The following KIDINS220 variants were observed in gnomAD, a reference collection of about 807,000 sequenced individuals.
KIDINS220 encodes the protein kinase D-interacting substrate of 220 kDa.
KIDINS220 carries 63 observed loss-of-function variants against 157.6 expected under a neutral mutation model. That is an observed-to-expected ratio of 0.40 (90% CI 0.33 to 0.49). The LOEUF (loss-of-function observed/expected upper bound fraction) is 0.49, where lower values mean the gene tolerates loss of function less well. KIDINS220 is among the 20% of genes least tolerant of loss of function. The pLI, the probability that KIDINS220 is intolerant of heterozygous loss-of-function variation, is 0.66. For missense variants in KIDINS220, 1,772 were observed against 2,171.2 expected (o/e 0.82, Z 3.65); for synonymous variants, 732 against 783.6 (o/e 0.93, Z 1.10).
At chr2:8,754,355 A>G (rs1442737717) in intron 22 of KIDINS220, among the ~76,000 whole-genome samples, 2 of 152,228 alleles carry the variant, frequency 1.3e-5, no homozygotes, top group Non-Finnish European at 2.9e-5. Flanking sequence ...TGTAAATGAT[A>G]ATCTTTTGGC....
chr2:8,781,153 A>ATATATATTAT (rs70946383), intron 17 of KIDINS220, among the ~76,000 whole-genome samples: 5 of 130,410 alleles, frequency 3.8e-5, no homozygotes, highest in African/African-American at 1.4e-4. Context: ...ATATATATAT[A>ATATATATTAT]ATATATATAT....
Position 8,812,550 on chromosome 2 carries a change from G to A in KIDINS220, c.406-57C>T, listed in dbSNP as rs377507290. 2,181 of 953,028 alleles carry A rather than the reference G, an allele frequency of 2.3e-3. 72 individuals carry two copies. In the South Asian group the frequency reaches 0.042, roughly 19 times the overall value. The allele number at this position is 953,028 out of a possible 1,614,324, so 59.0% of individuals were successfully genotyped here. ...GATAAGTAGGAAGGAAGGAAAGAAA[G>A]AAAGGAAGGAGGGAGGGAGGGAAGG... On this transcript the variant is annotated intron_variant, in intron 5 of 29. Coordinates refer to ENST00000256707, the MANE Select transcript of KIDINS220 (RefSeq NM_020738.4).
intron 3 of KIDINS220, among the ~76,000 whole-genome samples, chr2:8,817,973 C>T (rs561909657): frequency 7.9e-5 from 12 of 152,084 alleles, no homozygotes; most frequent in Non-Finnish European, 1.2e-4. Context: ...TCATATACTG[C>T]GCTTTTTAAA....
Position 8,826,989 on chromosome 2 carries a change from A to T in KIDINS220, c.105T>A (p.Asn35Lys), listed in dbSNP as rs1211528290. The change falls in exon 2 of 30, where the codon AAT becomes AAA. Residue 35 changes from asparagine to lysine, a missense_variant. Physicochemically the swap from Asn to Lys is moderately conservative, Grantham distance 94. This residue lies in a region of KIDINS220 where 254 missense variants were observed against 268.6 expected (regional missense o/e 0.95). Coordinates refer to ENST00000256707, the MANE Select transcript of KIDINS220 (RefSeq NM_020738.4). ...AATTTTGCAAACTTGGTCTTACCTC[A>T]TTTCTCTCATCTACATCTTTGCATT... ...LEKCKDVDERNECGQTPLMIA... is the reference protein window; with the variant it reads ...LEKCKDVDERKECGQTPLMIA... 1 of 1,576,648 alleles carries T rather than the reference A, an allele frequency of 6.3e-7. No individual in the cohort carries two copies. The highest frequency in any genetic ancestry group is 1.7e-5 in the Admixed American group (1 of 57,660).
downstream of KIDINS220, among the ~76,000 whole-genome samples, chr2:8,727,715 TTGGC>T (rs1192864059): frequency 1.3e-5 from 2 of 152,264 alleles, no homozygotes; most frequent in Non-Finnish European, 2.9e-5. Context: ...TTAAAATTAC[TTGGC>T]TAGGCAATCA....
At chr2:8,761,183 T>C (rs867665786) in intron 22 of KIDINS220, among the ~76,000 whole-genome samples, 8 of 152,186 alleles carry the variant, frequency 5.3e-5, no homozygotes, top group Non-Finnish European at 2.9e-5. Context: ...GTCCATGCAA[T>C]TGTCGTCTTT....
At chr2:8,823,433 TAAA>T (rs35736601) in intron 2 of KIDINS220, among the ~76,000 whole-genome samples, 1 of 127,214 alleles carries the variant, frequency 7.9e-6, no homozygotes. Flanking sequence ...AGCAAAATGC[TAAA>T]AAAAAAAAAA....
chr2:8,790,510 A>T (rs1673039991), intron 13 of KIDINS220, among the ~76,000 whole-genome samples: 1 of 152,192 alleles, frequency 6.6e-6, no homozygotes, highest in East Asian at 1.9e-4. Flanking sequence ...CACATTTGAG[A>T]ATACTGTTCT....
intron 1 of KIDINS220, among the ~76,000 whole-genome samples, chr2:8,831,985 T>C (rs1474513837): frequency 2.0e-5 from 3 of 152,260 alleles, no homozygotes; most frequent in Non-Finnish European, 2.9e-5. Flanking sequence ...TGCTTCTTTA[T>C]CAATTACAGC....
At chr2:8,771,614 T>A (rs545689148) in intron 21 of KIDINS220, among the ~76,000 whole-genome samples, 1 of 152,248 alleles carries the variant, frequency 6.6e-6, no homozygotes, top group Non-Finnish European at 1.5e-5. Context: ...TTTGTTTGTA[T>A]GTAGACTAAG....
At chr2:8,811,044 T>C (rs1417011373) in intron 6 of KIDINS220, among the ~76,000 whole-genome samples, 1 of 152,206 alleles carries the variant, frequency 6.6e-6, no homozygotes, top group Non-Finnish European at 1.5e-5. Context: ...TTTACATATG[T>C]ATACACTGGC....
chr2:8,836,025 G>A (rs1680335854), intron 1 of KIDINS220, among the ~76,000 whole-genome samples: 1 of 152,156 alleles, frequency 6.6e-6, no homozygotes, highest in Non-Finnish European at 1.5e-5. Flanking sequence ...GAGAAGAAAT[G>A]AGGGATATTA....
intron 22 of KIDINS220, among the ~76,000 whole-genome samples, chr2:8,755,037 C>T (rs897540132): frequency 2.6e-5 from 4 of 152,214 alleles, no homozygotes; most frequent in African/African-American, 4.8e-5. Flanking sequence ...GAACAGAACA[C>T]TTTGGAGATT....
At chr2:8,749,311 C>A in intron 24 of KIDINS220, 1 of 423,872 alleles carries the variant, frequency 2.4e-6, no homozygotes, top group Non-Finnish European at 4.7e-6. Context: ...TAACTAGGTC[C>A]TATGTTTTCT....
intron 21 of KIDINS220, among the ~76,000 whole-genome samples, chr2:8,773,609 A>T (rs1048142775): frequency 1.3e-5 from 2 of 151,748 alleles, no homozygotes; most frequent in Non-Finnish European, 1.5e-5. Flanking sequence ...AGTAGCTGGG[A>T]TTACAGGTGT....
At chr2:8,751,396 C>G in intron 23 of KIDINS220, 70 bp downstream of exon 23, 1 of 1,339,078 alleles carries the variant, frequency 7.5e-7, no homozygotes, top group South Asian at 1.3e-5. Flanking sequence ...GAAATGTACA[C>G]AAATAAGTTA....
intron 1 of KIDINS220, among the ~76,000 whole-genome samples, chr2:8,828,137 C>G (rs1212274521): frequency 1.3e-5 from 2 of 152,208 alleles, no homozygotes; most frequent in Admixed American, 1.3e-4. Context: ...TGTGTGACAC[C>G]TGTGACTGTA....
chr2:8,791,494 T>C (rs1467197391), intron 12 of KIDINS220, among the ~76,000 whole-genome samples: 1 of 152,324 alleles, frequency 6.6e-6, no homozygotes, highest in East Asian at 1.9e-4. Flanking sequence ...TTGATACTTA[T>C]TAATTATATG....
chr2:8,788,552 A>T, intron 15 of KIDINS220, 95 bp downstream of exon 15: 3 of 1,227,198 alleles, frequency 2.4e-6, no homozygotes, highest in Non-Finnish European at 3.4e-6. Context: ...TACAAGCGTG[A>T]GCCACCACAC....
Sources: gnomAD v4.1 joint callset for allele counts (sites outside exome capture counted in the v4.1 genomes callset) on GRCh38, gnomAD v4.1.1 for gene constraint, gnomAD v4.1.1 regional missense constraint, MANE v1.5 for transcripts, NCBI Gene and HGNC (gene_info 2026-07-23, HGNC 2026-07-21) for gene names.